The following SGCZ variants were observed in gnomAD, a reference collection of about 807,000 sequenced individuals.
SGCZ encodes the protein zeta-sarcoglycan.
A neutral mutation model predicts 41.3 loss-of-function variants in SGCZ; 40 were observed. The ratio of observed to expected loss-of-function variants is 0.97; its 90% CI spans 0.75 to 1.26. The LOEUF (loss-of-function observed/expected upper bound fraction) is 1.26. SGCZ is among the 50% of genes most tolerant of loss of function. The pLI is 0.00. For synonymous variants in SGCZ, 206 were observed against 137.5 expected, an observed-to-expected ratio of 1.50 and a Z score of -3.49; for missense variants, 552 against 369.8, an observed-to-expected ratio of 1.49 and a Z score of -4.04.
At chr8:14,804,079 A>C (rs1377423002) in intron 1 of SGCZ, among the ~76,000 whole-genome samples, 1 of 109,602 alleles carries the variant, frequency 9.1e-6, no homozygotes, top group African/African-American at 4.5e-5. Flanking sequence ...ACCCATCTGT[A>C]CATCACCATC....
intron 1 of SGCZ, among the ~76,000 whole-genome samples, chr8:14,771,233 AGT>A (rs1422234203): frequency 3.3e-5 from 5 of 152,280 alleles, no homozygotes; most frequent in East Asian, 1.9e-4. Flanking sequence ...ACCAAAATTA[AGT>A]GTGTGTTTAT....
At chr8:14,428,724 T>C (rs1186023234) in intron 2 of SGCZ, among the ~76,000 whole-genome samples, 1 of 152,228 alleles carries the variant, frequency 6.6e-6, no homozygotes, top group African/African-American at 2.4e-5. Context: ...TCATGTTCTT[T>C]AAGAAGGCTC....
At chr8:15,213,543 C>T (rs1801303893) in intron 1 of SGCZ, among the ~76,000 whole-genome samples, 1 of 151,286 alleles carries the variant, frequency 6.6e-6, no homozygotes, top group Non-Finnish European at 1.5e-5. Context: ...TTTCTATTTG[C>T]TATGCATTAT....
At chr8:14,911,554 T>A (rs1344011649) in intron 1 of SGCZ, among the ~76,000 whole-genome samples, 4 of 152,004 alleles carry the variant, frequency 2.6e-5, no homozygotes, top group African/African-American at 7.2e-5. Context: ...AATACAATTT[T>A]TATAAAAATA....
intron 4 of SGCZ, among the ~76,000 whole-genome samples, chr8:14,227,923 G>A (rs1211835539): frequency 1.3e-5 from 2 of 151,932 alleles, no homozygotes; most frequent in African/African-American, 4.8e-5. Flanking sequence ...CATAAGTAAT[G>A]GTTTCCCCCT....
chr8:14,773,445 AT>A (rs1347504285), intron 1 of SGCZ, among the ~76,000 whole-genome samples: 1 of 152,154 alleles, frequency 6.6e-6, no homozygotes, highest in Admixed American at 6.6e-5. Flanking sequence ...TTCCAACAAG[AT>A]TATTAATACC....
chr8:14,701,623 A>G (rs1809139701), intron 1 of SGCZ, among the ~76,000 whole-genome samples: 1 of 151,854 alleles, frequency 6.6e-6, no homozygotes, highest in Non-Finnish European at 1.5e-5. Context: ...TACTAATCCA[A>G]ACCTTCTCCT....
intron 4 of SGCZ, among the ~76,000 whole-genome samples, chr8:14,175,663 A>C (rs1804520862): frequency 6.6e-6 from 1 of 152,116 alleles, no homozygotes; most frequent in South Asian, 2.1e-4. Context: ...GCAATCCAAA[A>C]AATGCTACAA....
At chr8:14,213,179 T>C (rs1805874743) in intron 4 of SGCZ, among the ~76,000 whole-genome samples, 1 of 151,558 alleles carries the variant, frequency 6.6e-6, no homozygotes, top group Admixed American at 6.6e-5. Context: ...TTCCAACTTG[T>C]GGTAAGACAT....
chr8:14,311,551 G>C (rs776486607), intron 3 of SGCZ, among the ~76,000 whole-genome samples: 8 of 152,080 alleles, frequency 5.3e-5, no homozygotes, highest in Non-Finnish European at 8.8e-5. Context: ...ACTATTGAAA[G>C]AATATGACTA....
intron 1 of SGCZ, among the ~76,000 whole-genome samples, chr8:15,140,639 T>C (rs968232204): frequency 1.3e-5 from 2 of 152,182 alleles, no homozygotes; most frequent in African/African-American, 4.8e-5. Context: ...TCTACAATAA[T>C]TTTATATTTA....
intron 1 of SGCZ, among the ~76,000 whole-genome samples, chr8:14,664,086 G>T (rs1437864248): frequency 6.6e-6 from 1 of 152,162 alleles, no homozygotes; most frequent in African/African-American, 2.4e-5. Context: ...ATGCTTAGAT[G>T]TACAATGAGA....
intron 1 of SGCZ, among the ~76,000 whole-genome samples, chr8:15,216,310 C>T (rs1297471986): frequency 1.3e-5 from 2 of 148,342 alleles, no homozygotes; most frequent in African/African-American, 2.5e-5. Context: ...AGCTCCGCCT[C>T]CTGGGTTCAC....
chr8:14,342,379 C>T (rs893434172), intron 2 of SGCZ, among the ~76,000 whole-genome samples: 10 of 152,134 alleles, frequency 6.6e-5, no homozygotes, highest in Admixed American at 5.2e-4. Context: ...TGCACTGGCG[C>T]TATCTCGGCT....
chr8:14,764,949 C>G (rs1260343093), intron 1 of SGCZ, among the ~76,000 whole-genome samples: 2 of 152,088 alleles, frequency 1.3e-5, no homozygotes, highest in Non-Finnish European at 2.9e-5. Flanking sequence ...ATGTTAACAA[C>G]TGGTAAAGGG....
intron 1 of SGCZ, among the ~76,000 whole-genome samples, chr8:15,058,080 T>C (rs1455734786): frequency 6.6e-6 from 1 of 152,222 alleles, no homozygotes; most frequent in Non-Finnish European, 1.5e-5. Context: ...CAACTGTTAA[T>C]TAATTTCACG....
At chr8:15,217,193 G>A (rs1045820822) in intron 1 of SGCZ, among the ~76,000 whole-genome samples, 9 of 151,962 alleles carry the variant, frequency 5.9e-5, no homozygotes, top group South Asian at 2.1e-4. Flanking sequence ...CGAGGCGGGC[G>A]GATCACGAGG....
chr8:14,181,879 T>C (rs1048871502), intron 4 of SGCZ, among the ~76,000 whole-genome samples: 10 of 152,214 alleles, frequency 6.6e-5, no homozygotes, highest in Admixed American at 1.3e-4. Context: ...GTTACAATTA[T>C]AGCCCTGATA....
chr8:14,651,468 A>G (rs1368622667), intron 1 of SGCZ, among the ~76,000 whole-genome samples: 1 of 152,042 alleles, frequency 6.6e-6, no homozygotes, highest in Non-Finnish European at 1.5e-5. Context: ...CAAACAATAG[A>G]CAGTGGTATT....
Sources: gnomAD v4.1 joint callset for allele counts (sites outside exome capture counted in the v4.1 genomes callset) on GRCh38, gnomAD v4.1.1 for gene constraint, MANE v1.5 for transcripts, NCBI Gene and HGNC (gene_info 2026-07-23, HGNC 2026-07-21) for gene names.